PRKCI: variants seen among roughly 807,000 people sequenced by gnomAD.
PRKCI encodes the protein protein kinase C iota, also known as protein kinase C iota type.
In PRKCI, 43 loss-of-function variants were observed where a neutral mutation model predicts 84.0. The ratio of observed to expected loss-of-function variants is 0.51; its 90% CI spans 0.40 to 0.66. The LOEUF (loss-of-function observed/expected upper bound fraction) is 0.66. PRKCI is among the 30% of genes least tolerant of loss of function. The probability of loss-of-function intolerance (pLI) is 0.00; values close to 1 mark genes in which losing one functional copy is unlikely to be tolerated. For synonymous variants in PRKCI, 216 were observed against 234.4 expected (o/e 0.92, Z 0.72); for missense variants, 459 against 745.6 (o/e 0.62, Z 4.48).
At chr3:170,290,298 T>A (rs939436271) in intron 12 of PRKCI, among the ~76,000 whole-genome samples, 1 of 151,942 alleles carries the variant, frequency 6.6e-6, no homozygotes, top group Non-Finnish European at 1.5e-5. Context: ...GACTTTTTTA[T>A]TGTTGATTTT....
At chr3:170,296,028 C>T in intron 15 of PRKCI, 38 bp downstream of exon 15, 2 of 1,237,174 alleles carry the variant, frequency 1.6e-6, no homozygotes, top group Non-Finnish European at 2.2e-6. Flanking sequence ...TGATTTGTCT[C>T]TTTCTATATA....
chr3:170,293,568 GA>G, intron 14 of PRKCI, 60 bp downstream of exon 14: 1 of 1,537,644 alleles, frequency 6.5e-7, no homozygotes. Flanking sequence ...GTACAAATGA[GA>G]GTGATTCAGG....
At chr3:170,261,009 T>G (rs537803024) in intron 3 of PRKCI, among the ~76,000 whole-genome samples, 3 of 151,544 alleles carry the variant, frequency 2.0e-5, no homozygotes, top group African/African-American at 7.3e-5. Flanking sequence ...CAGGCTGGAG[T>G]GCATTGGTGC....
At chr3:170,302,024 A>G (rs527604179) in intron 17 of PRKCI, among the ~76,000 whole-genome samples, 5 of 152,106 alleles carry the variant, frequency 3.3e-5, no homozygotes, top group Non-Finnish European at 4.4e-5. Context: ...CTGCCTGTTC[A>G]TTCCTGTGTA....
At chr3:170,270,679 A>G (rs1733981020) in intron 6 of PRKCI, 118 bp downstream of exon 6, 2 of 1,269,550 alleles carry the variant, frequency 1.6e-6, no homozygotes, top group Non-Finnish European at 2.1e-6. Context: ...GAGTAGCTAC[A>G]GAGTATGGGG....
chr3:170,254,588 C>G (rs1419837735), intron 2 of PRKCI, among the ~76,000 whole-genome samples: 1 of 74,718 alleles, frequency 1.3e-5, no homozygotes, highest in Non-Finnish European at 2.4e-5. Flanking sequence ...CTGTCTTTTC[C>G]CCAGTGTTAT....
rs1457510699 is a variant in PRKCI, at chr3:170,304,316, T to G, written c.*1189T>G. On this transcript the variant is annotated 3_prime_UTR_variant, in exon 18 of 18. Coordinates refer to ENST00000295797, the MANE Select transcript of PRKCI (RefSeq NM_002740.6). The stretch of plus-strand genomic sequence containing the variant: ...AGAGTGAATCCCCACAGTTGCTTTT[T>G]GTGACTTGATTCAAATGAGGCACTC... The G allele has an allele frequency of 1.3e-5, 2 of 152,262 alleles. No homozygotes were observed. The highest frequency in any genetic ancestry group is 2.9e-5 in the Non-Finnish European group (2 of 68,042). 9.4% of individuals were successfully genotyped at this position (152,262 alleles called of 1,614,324 possible). A position where few individuals can be genotyped will look rare whatever the true frequency, so the allele number is the denominator to read the frequency against.
chr3:170,286,249 G>A (rs1415578503), intron 12 of PRKCI, among the ~76,000 whole-genome samples: 1 of 151,890 alleles, frequency 6.6e-6, no homozygotes, highest in Non-Finnish European at 1.5e-5. Flanking sequence ...TATTATACAA[G>A]TTTTCAATCA....
chr3:170,222,555 T>G lies in PRKCI; in HGVS notation c.-115T>G. 1 of 888,582 alleles carries G rather than the reference T, an allele frequency of 1.1e-6. No homozygotes were observed. Among genetic ancestry groups the G allele is most frequent in the Non-Finnish European group, 1.6e-6 (1 of 612,214 alleles). The allele number at this position is 888,582 out of a possible 1,614,324, so 55.0% of individuals were successfully genotyped here. A position where few individuals can be genotyped will look rare whatever the true frequency, so the allele number is the denominator to read the frequency against. ...CGGCGCTGCGGGCGAGGTGGGCAGG[T>G]AGGTGGGCGGACGGCCGCGGTTCTC... On this transcript the variant is annotated 5_prime_UTR_variant, in exon 1 of 18. Coordinates refer to ENST00000295797, the MANE Select transcript of PRKCI (RefSeq NM_002740.6).
At chr3:170,281,542 A>G (rs1734247923) in intron 10 of PRKCI, 3 of 404,962 alleles carry the variant, frequency 7.4e-6, no homozygotes, top group Non-Finnish European at 1.3e-5. Flanking sequence ...TTCTAGTTTT[A>G]TGACTTAAAA....
rs1032101463 is a variant in PRKCI at position 170,235,301 on chromosome 3, G to A, written c.173G>A (p.Cys58Tyr). ...EGLCNEVRDM[C>Y]SFDNEQLFTM... is the part of the protein sequence containing the mutation. ...CTTTGCAATGAGGTTCGAGACATGTGTTCTTTTGACAACGAACAGCTCTTC... is the reference window on the plus strand; with the variant it reads ...CTTTGCAATGAGGTTCGAGACATGTATTCTTTTGACAACGAACAGCTCTTC... The change falls in exon 2 of 18, where the codon TGT (cysteine) becomes TAT (tyrosine). Residue 58 changes from cysteine to tyrosine, a missense_variant. This residue lies in a region of PRKCI where 250 missense variants were observed against 319.7 expected (regional missense o/e 0.78). Transcript: ENST00000295797. The A allele has an allele frequency of 6.2e-7, 1 of 1,614,106 alleles. No homozygotes were observed. The highest frequency in any genetic ancestry group is 8.5e-7 in the Non-Finnish European group (1 of 1,180,014).
intron 5 of PRKCI, among the ~76,000 whole-genome samples, chr3:170,269,677 C>A (rs892393428): frequency 4.6e-5 from 7 of 152,028 alleles, no homozygotes; most frequent in African/African-American, 1.7e-4. Flanking sequence ...AAAAGAGAGA[C>A]CAAGTGCGGT....
chr3:170,244,899 A>G (rs1008358703), intron 2 of PRKCI: 2 of 152,274 alleles, frequency 1.3e-5, no homozygotes, highest in African/African-American at 4.8e-5. Context: ...TTAATTAAAT[A>G]AAACAGGTTA....
intron 9 of PRKCI, among the ~76,000 whole-genome samples, chr3:170,280,610 A>T (rs980680513): frequency 7.2e-5 from 11 of 151,964 alleles, no homozygotes; most frequent in African/African-American, 2.7e-4. Context: ...CACTATGCCC[A>T]GCTAATTTTT....
chr3:170,232,903 A>G (rs1165750719), intron 1 of PRKCI, among the ~76,000 whole-genome samples: 1 of 152,138 alleles, frequency 6.6e-6, no homozygotes, highest in South Asian at 2.1e-4. Context: ...ACAGGGCTTT[A>G]TAACATTGCT....
intron 12 of PRKCI, among the ~76,000 whole-genome samples, chr3:170,291,433 A>G (rs1180343918): frequency 6.6e-6 from 1 of 152,190 alleles, no homozygotes; most frequent in African/African-American, 2.4e-5. Flanking sequence ...ATGATGGCTC[A>G]TGCCTGTAAT....
chr3:170,301,040 T>C (rs1311503739), intron 17 of PRKCI, among the ~76,000 whole-genome samples: 2 of 152,198 alleles, frequency 1.3e-5, no homozygotes, highest in African/African-American at 4.8e-5. Flanking sequence ...GCTAATTAAA[T>C]GGCTCTCAGT....
At position 170,291,705 on chromosome 3, in the gene PRKCI, A is replaced by ATT. The variant is rs200013773; in HGVS notation, c.1204-148_1204-147insTT. The ATT allele has an allele frequency of 5.1e-3, 3,106 of 608,094 alleles. 89 individuals are homozygous for ATT. The African/African-American group carries it at 0.053, about 10-fold the overall frequency. 37.7% of individuals were successfully genotyped at this position (608,094 alleles called of 1,614,324 possible). A position where few individuals can be genotyped will look rare whatever the true frequency, so the allele number is the denominator to read the frequency against. On this transcript the variant is annotated intron_variant, in intron 12 of 17. Coordinates refer to ENST00000295797, the MANE Select transcript of PRKCI (RefSeq NM_002740.6). ...GAGCAAGACCCTGTCAAAAATAATA[A>ATT]TAATAATAAAGGCAATTGTTCTAGT...
chr3:170,244,822 C>T (rs566939631), intron 2 of PRKCI: 1 of 152,438 alleles, frequency 6.6e-6, no homozygotes, highest in South Asian at 2.1e-4. Flanking sequence ...TAATTGATCA[C>T]AGCCAGTTAC....
Sources: gnomAD v4.1 joint callset for allele counts (sites outside exome capture counted in the v4.1 genomes callset) on GRCh38, gnomAD v4.1.1 for gene constraint, gnomAD v4.1.1 regional missense constraint, MANE v1.5 for transcripts, NCBI Gene and HGNC (gene_info 2026-07-23, HGNC 2026-07-21) for gene names.